CAST: variants seen among roughly 807,000 people sequenced by gnomAD.
The protein encoded by CAST is MIR583 host.
A neutral mutation model predicts 119.6 loss-of-function variants in CAST; 76 were observed. That is an observed-to-expected ratio of 0.64 (90% CI 0.53 to 0.77). The LOEUF (loss-of-function observed/expected upper bound fraction) is 0.77, where lower values mean the gene tolerates loss of function less well. Ranked by LOEUF, CAST falls within the 30% of genes least tolerant of loss-of-function variation. The pLI is 0.00. For synonymous variants in CAST, 319 were observed against 331.6 expected, an observed-to-expected ratio of 0.96 and a Z score of 0.41; for missense variants, 953 against 946.5, an observed-to-expected ratio of 1.01 and a Z score of -0.09.
the CAST span, among the ~76,000 whole-genome samples, chr5:96,349,698 C>T: frequency 2.0e-5 from 3 of 152,062 alleles, no homozygotes; most frequent in South Asian, 6.2e-4. Context: ...AGTAGATTGA[C>T]CTGTAGTTGT....
At chr5:96,389,515 G>A in the CAST span, among the ~76,000 whole-genome samples, 2 of 152,182 alleles carry the variant, frequency 1.3e-5, no homozygotes, top group Non-Finnish European at 2.9e-5. Context: ...TAGGAGAAAT[G>A]AATGGATTCT....
chr5:96,048,791 T>G, the CAST span, among the ~76,000 whole-genome samples: 1 of 152,178 alleles, frequency 6.6e-6, no homozygotes, highest in Non-Finnish European at 1.5e-5. Flanking sequence ...CAAGAGTCTT[T>G]TTTCCCCTTT....
At chr5:96,109,440 C>T in the CAST span, among the ~76,000 whole-genome samples, 5 of 152,150 alleles carry the variant, frequency 3.3e-5, no homozygotes, top group Non-Finnish European at 7.4e-5. Context: ...TCTTTGTAAT[C>T]TGGAATCTTA....
chr5:96,441,945 G>A, the CAST span, among the ~76,000 whole-genome samples: 2 of 152,156 alleles, frequency 1.3e-5, no homozygotes. Context: ...GATTGTAGGA[G>A]TATAATGATA....
intron 3 of CAST, among the ~76,000 whole-genome samples, chr5:96,698,280 T>A (rs1324570933): frequency 6.6e-6 from 1 of 152,178 alleles, no homozygotes. Flanking sequence ...ACAAACCCTG[T>A]TCTGTCTTAA....
intron 1 of CAST, among the ~76,000 whole-genome samples, chr5:96,591,927 G>T (rs780158970): frequency 4.4e-4 from 67 of 152,268 alleles, no homozygotes; most frequent in East Asian, 7.7e-4. Flanking sequence ...GAAGTCAATA[G>T]TTCAGTACAG....
the CAST span, among the ~76,000 whole-genome samples, chr5:96,231,458 G>A: frequency 0.014 from 2,055 of 152,122 alleles, 19 homozygotes; most frequent in Admixed American, 0.021. Flanking sequence ...AAAATAATGC[G>A]CTTAACCAGG....
At chr5:96,361,749 G>C in the CAST span, among the ~76,000 whole-genome samples, 1 of 108,724 alleles carries the variant, frequency 9.2e-6, no homozygotes, top group Non-Finnish European at 2.0e-5. Context: ...ATCTCGGTGG[G>C]AGCTGCTGAC....
chr5:96,446,692 A>T, the CAST span, among the ~76,000 whole-genome samples: 2 of 152,236 alleles, frequency 1.3e-5, no homozygotes, highest in African/African-American at 4.8e-5. Flanking sequence ...TCTTTTGAGC[A>T]GCAAGAAGCC....
At chr5:96,737,066 A>G (rs972163814) in intron 10 of CAST, among the ~76,000 whole-genome samples, 1 of 152,210 alleles carries the variant, frequency 6.6e-6, no homozygotes, top group Non-Finnish European at 1.5e-5. Flanking sequence ...CTCACTCACT[A>G]TCATGAGAAC....
chr5:96,739,521 A>C (rs144588448), intron 11 of CAST, among the ~76,000 whole-genome samples: 574 of 152,374 alleles, frequency 3.8e-3, no homozygotes, highest in Non-Finnish European at 6.1e-3. Flanking sequence ...GACGTTGTTT[A>C]TGGTTACCTA....
intron 2 of CAST, among the ~76,000 whole-genome samples, chr5:96,686,929 A>G (rs1217864165): frequency 6.6e-6 from 1 of 152,204 alleles, no homozygotes; most frequent in African/African-American, 2.4e-5. Flanking sequence ...AGTTGACTCC[A>G]TAGCCAACCT....
At chr5:96,367,876 T>C in the CAST span, among the ~76,000 whole-genome samples, 2 of 151,986 alleles carry the variant, frequency 1.3e-5, no homozygotes, top group Non-Finnish European at 2.9e-5. Context: ...ACCCAGTACC[T>C]CAGTTAGAAA....
At chr5:95,971,460 A>G in the CAST span, among the ~76,000 whole-genome samples, 2 of 152,224 alleles carry the variant, frequency 1.3e-5, no homozygotes, top group East Asian at 3.8e-4. Flanking sequence ...AGCTCAGGTA[A>G]CCTTTTTAAA....
chr5:96,000,600 G>A, the CAST span, among the ~76,000 whole-genome samples: 1 of 152,110 alleles, frequency 6.6e-6, no homozygotes, highest in Admixed American at 6.6e-5. Context: ...CCATAACTAC[G>A]GAGAATAGAA....
chr5:96,558,308 G>A (rs1746284632), intron 1 of CAST, among the ~76,000 whole-genome samples: 1 of 151,928 alleles, frequency 6.6e-6, no homozygotes, highest in Admixed American at 6.6e-5. Context: ...AGAGAAGCAA[G>A]AGCAAACACA....
the CAST span, among the ~76,000 whole-genome samples, chr5:96,353,215 T>C: frequency 1.4e-4 from 22 of 152,250 alleles, no homozygotes; most frequent in African/African-American, 5.3e-4. Context: ...AGGTGAACAA[T>C]AACCATACTT....
At chr5:96,305,647 G>A in the CAST span, among the ~76,000 whole-genome samples, 1 of 152,238 alleles carries the variant, frequency 6.6e-6, no homozygotes, top group South Asian at 2.1e-4. Context: ...TAGTTTTTGG[G>A]AGTTTTTAGC....
the CAST span, among the ~76,000 whole-genome samples, chr5:96,513,822 C>A: frequency 6.6e-6 from 1 of 152,164 alleles, no homozygotes; most frequent in Non-Finnish European, 1.5e-5. Context: ...GATATTTATT[C>A]TCTCGCCGTC....
Sources: gnomAD v4.1 joint callset for allele counts (sites outside exome capture counted in the v4.1 genomes callset) on GRCh38, gnomAD v4.1.1 for gene constraint, MANE v1.5 for transcripts, NCBI Gene and HGNC (gene_info 2026-07-23, HGNC 2026-07-21) for gene names.